Variants in RHBDF1 observed in about 807,000 individuals in gnomAD.
RHBDF1 encodes the protein inactive rhomboid protein 1.
RHBDF1 carries 80 observed loss-of-function variants against 98.6 expected under a neutral mutation model. The observed-to-expected ratio is 0.81, with a 90% CI of 0.68 to 0.98. RHBDF1 has a LOEUF of 0.98. RHBDF1 is among the 50% of genes least tolerant of loss of function. The pLI, the probability that RHBDF1 is intolerant of heterozygous loss-of-function variation, is 0.00. For synonymous variants in RHBDF1, 512 were observed against 486.8 expected (o/e 1.05, Z -0.68); for missense variants, 1,116 against 1,198.3 (o/e 0.93, Z 1.01).
intron 1 of RHBDF1, among the ~76,000 whole-genome samples, chr16:68,922 G>T (rs903924745): frequency 6.6e-6 from 1 of 152,196 alleles, no homozygotes; most frequent in Non-Finnish European, 1.5e-5. Context: ...GGACAGCCCA[G>T]GCTGATGCTT....
Position 64,571 on chromosome 16 carries a change from G to A in RHBDF1, c.248+128C>T, listed in dbSNP as rs944643868. On this transcript the variant is annotated intron_variant, in intron 3 of 17. Transcript: ENST00000262316. ...AACAGGAGGAGGGCAAGGGGATGGT[G>A]GGGACCGAGATGGAGGAGGAAGCTG... 2.6e-6 allele frequency: 4 copies of A among 1,543,286 alleles called. No homozygotes were observed. In the African/African-American group the frequency reaches 4.1e-5, roughly 16 times the overall value.
chr16:59,369 A>G lies in RHBDF1; in HGVS notation c.1894-20T>C. On this transcript the variant is annotated intron_variant, in intron 15 of 17. Coordinates refer to ENST00000262316, the MANE Select transcript of RHBDF1 (RefSeq NM_022450.5). ...GTGCACCTGCGCAGAGCAGCATATC[A>G]GCATCACAGTAGCTGGGGGAGGGGA... 1 of 1,612,202 alleles carries G rather than the reference A, an allele frequency of 6.2e-7. No homozygotes were observed. The highest frequency in any genetic ancestry group is 8.5e-7 in the Non-Finnish European group (1 of 1,178,882).
chr16:67,560 C>A (rs1897861011), intron 1 of RHBDF1, among the ~76,000 whole-genome samples: 1 of 152,236 alleles, frequency 6.6e-6, no homozygotes, highest in South Asian at 2.1e-4. Flanking sequence ...GACTCCCTCC[C>A]ATCTCAGAGC....
rs376588490 is a variant in RHBDF1 at position 65,518 on chromosome 16, G to T, written c.-24-479C>A. Among the ~76,000 whole-genome samples, 15 of 152,208 alleles carry T rather than the reference G, an allele frequency of 9.9e-5. No individual in the cohort carries two copies. The East Asian group carries it at 1.5e-3, about 16-fold the overall frequency. ...AGCTGAGCAAAGGCTTGAAGGAGGG[G>T]AGTGAGCACAGCTGGGGTTGCAGGG... On this transcript the variant is annotated intron_variant, in intron 1 of 17. Coordinates refer to ENST00000262316, the MANE Select transcript of RHBDF1 (RefSeq NM_022450.5).
In RHBDF1 at chr16:62,399, G is replaced by GGCCCA. The variant is rs550487418; in HGVS notation, c.953+134_953+138dup. The GGCCCA allele has an allele frequency of 4.4e-5, 51 of 1,151,518 alleles. No homozygotes were observed. The East Asian group carries it at 1.2e-3, about 26-fold the overall frequency. The allele number at this position is 1,151,518 out of a possible 1,614,324, so 71.3% of individuals were successfully genotyped here. ...CAGCTCTGCGTCTCCCACCCCTGGT[G>GGCCCA]GCCCAGTGAGTAGTGAGTTCCCAGT... On this transcript the variant is annotated intron_variant, in intron 7 of 17. Transcript: ENST00000262316.
chr16:59,233 C>T lies in RHBDF1; in HGVS notation c.1994+16G>A. On this transcript the variant is annotated intron_variant, in intron 16 of 17. Transcript: ENST00000262316. Reference sequence around the variant, plus strand: ...AGGGCCCTGAGACCCCCGACCCGGCCCACAGTGTCACTTGCCCGGCGTGCA... The same window carrying T: ...AGGGCCCTGAGACCCCCGACCCGGCTCACAGTGTCACTTGCCCGGCGTGCA... The T allele has an allele frequency of 6.3e-7, 1 of 1,594,302 alleles. No homozygotes were observed. Among genetic ancestry groups the T allele is most frequent in the Non-Finnish European group, 8.6e-7 (1 of 1,167,970 alleles).
chr16:72,551 G>GGGA lies in RHBDF1; in HGVS notation c.-64_-63insTCC. ...GGCTCTGGGGGGTCCTGAGGGCGCC[G>GGGA]GGGAGGAGGCTGCCGCCGCTGGCCG... On this transcript the variant is annotated 5_prime_UTR_variant, in exon 1 of 18. Transcript: ENST00000262316. The GGGA allele has an allele frequency of 1.2e-6, 1 of 830,744 alleles. No individual in the cohort carries two copies. Among genetic ancestry groups the GGGA allele is most frequent in the South Asian group, 6.1e-5 (1 of 16,460 alleles). The allele number at this position is 830,744 out of a possible 1,614,324, so 51.5% of individuals were successfully genotyped here.
chr16:59,332 A>G lies in RHBDF1; in HGVS notation c.1911T>C (p.Asp637=), dbSNP rs60491225. 19,909 of 1,612,272 alleles carry G rather than the reference A, an allele frequency of 0.012. 2,180 individuals carry two copies. In the African/African-American group the frequency reaches 0.23, roughly 19 times the overall value. Residue 637 remains aspartate (D), a synonymous_variant, in exon 16 of 18, where the codon GAT becomes GAC. Coordinates refer to ENST00000262316, the MANE Select transcript of RHBDF1 (RefSeq NM_022450.5). ...TLCSQVHCMD[D]VCGLLPFLNP... is the part of the protein sequence containing the mutation. Reference sequence around the variant, plus strand: ...TGAGAAAAGGCAGGAGCCCACACACATCATCCATGCAGTGCACCTGCGCAG... The same window carrying G: ...TGAGAAAAGGCAGGAGCCCACACACGTCATCCATGCAGTGCACCTGCGCAG...
At chr16:73,104 T>A (rs746879036), upstream of RHBDF1, among the ~76,000 whole-genome samples, 8 of 152,096 alleles carry the variant, frequency 5.3e-5, no homozygotes, top group Non-Finnish European at 8.8e-5. Flanking sequence ...TGTGCACCGA[T>A]CACTCACAAT....
Position 58,086 on chromosome 16 carries a change from C to A in RHBDF1, c.*254G>T. 2.2e-6 allele frequency: 1 copy of A among 449,986 alleles called. No individual in the cohort carries two copies. The highest frequency in any genetic ancestry group is 4.0e-6 in the Non-Finnish European group (1 of 252,114). The allele number at this position is 449,986 out of a possible 1,614,324, so 27.9% of individuals were successfully genotyped here. ...AAGTTAATGGCAGCTAAAACGCTCC[C>A]AGTCCATTTATTGGCCACATGAGGT... On this transcript the variant is annotated 3_prime_UTR_variant, in exon 18 of 18. Coordinates refer to ENST00000262316, the MANE Select transcript of RHBDF1 (RefSeq NM_022450.5).
chr16:60,089 T>G (rs1596465180), intron 13 of RHBDF1, 127 bp downstream of exon 13: 1 of 1,543,218 alleles, frequency 6.5e-7, no homozygotes, highest in Non-Finnish European at 8.7e-7. Flanking sequence ...AAAGGGCAGG[T>G]GCACAGCCTC....
upstream of RHBDF1, among the ~76,000 whole-genome samples, chr16:75,123 C>A (rs1020242700): frequency 6.6e-6 from 1 of 152,142 alleles, no homozygotes; most frequent in Non-Finnish European, 1.5e-5. Flanking sequence ...GGTGGAGGAG[C>A]CCCCTATACG....
chr16:74,742 C>G (rs917920898), upstream of RHBDF1: 1 of 152,114 alleles, frequency 6.6e-6, no homozygotes, highest in Non-Finnish European at 1.5e-5. Flanking sequence ...TGAAAATGGC[C>G]GGTTCCTGCC....
chr16:66,701 G>A (rs900568550), intron 1 of RHBDF1, among the ~76,000 whole-genome samples: 1 of 152,190 alleles, frequency 6.6e-6, no homozygotes, highest in Non-Finnish European at 1.5e-5. Context: ...AAAGCTTTGG[G>A]GCACTCCCCA....
rs755070184 is a variant in RHBDF1, at chr16:64,751, G to T, written c.196C>A (p.Leu66Ile). The change falls in exon 3 of 18, where the codon CTC (leucine) becomes ATC (isoleucine). Residue 66 changes from leucine (L) to isoleucine (I), a missense_variant. By Grantham distance (5) the Leu-to-Ile change is conservative. Coordinates refer to ENST00000262316, the MANE Select transcript of RHBDF1 (RefSeq NM_022450.5). Reference sequence around the variant, plus strand: ...TGGCGTTGCAGCACCGGCCGCCGGAGCTCATGGTGGGGTGAAGAGATGTGG... The same window carrying T: ...TGGCGTTGCAGCACCGGCCGCCGGATCTCATGGTGGGGTGAAGAGATGTGG... ...TAHISSPHHE[L>I]RRPVLQRQTS... The T allele has an allele frequency of 2.5e-6, 4 of 1,614,042 alleles. No individual in the cohort carries two copies. In the Admixed American group the frequency reaches 6.7e-5, roughly 27 times the overall value.
At chr16:70,098 AG>A (rs1383606065) in intron 1 of RHBDF1, among the ~76,000 whole-genome samples, 1 of 152,092 alleles carries the variant, frequency 6.6e-6, no homozygotes, top group Non-Finnish European at 1.5e-5. Flanking sequence ...TGGGTCTGAC[AG>A]GGGCTGACAT....
intron 1 of RHBDF1, among the ~76,000 whole-genome samples, chr16:72,035 G>A (rs982409495): frequency 1.3e-5 from 2 of 152,218 alleles, no homozygotes; most frequent in Non-Finnish European, 1.5e-5. Context: ...AGGGCAGCCG[G>A]GACAGGGACC....
At chr16:63,482 G>A (rs779647911) in intron 4 of RHBDF1, 105 bp downstream of exon 4, 189 of 1,030,928 alleles carry the variant, frequency 1.8e-4, no homozygotes, top group Non-Finnish European at 2.6e-4. Flanking sequence ...CTTCCAGACT[G>A]TGAGCTCCCA....
chr16:70,975 A>G (rs571189486), intron 1 of RHBDF1, among the ~76,000 whole-genome samples: 1 of 152,382 alleles, frequency 6.6e-6, no homozygotes, highest in South Asian at 2.1e-4. Context: ...TGGCACAGAC[A>G]CTGAGGTGGG....
Sources: allele counts gnomAD v4.1 joint callset (sites outside exome capture counted in the v4.1 genomes callset), GRCh38; gene constraint gnomAD v4.1.1; transcripts MANE v1.5; gene names NCBI Gene and HGNC (gene_info 2026-07-23, HGNC 2026-07-21).